Variants in SIAH3 observed in about 807,000 individuals in gnomAD.
SIAH3 encodes seven in absentia homolog 3.
A neutral mutation model predicts 12.6 loss-of-function variants in SIAH3; 9 were observed. The observed-to-expected ratio is 0.72, with a 90% CI of 0.43 to 1.25. The LOEUF (loss-of-function observed/expected upper bound fraction) is 1.25, where lower values mean the gene tolerates loss of function less well. Ranked by LOEUF, SIAH3 falls within the 50% of genes most tolerant of loss-of-function variation. SIAH3 has a pLI of 0.00. For missense variants in SIAH3, 390 were observed against 365.4 expected (o/e 1.07, Z -0.55); for synonymous variants, 154 against 151.1 (o/e 1.02, Z -0.14).
intron 1 of SIAH3, among the ~76,000 whole-genome samples, chr13:45,799,958 A>G (rs893385023): frequency 1.3e-5 from 2 of 152,236 alleles, no homozygotes; most frequent in Non-Finnish European, 2.9e-5. Context: ...CATCTTCTAG[A>G]TGATCCACAT....
intron 1 of SIAH3, among the ~76,000 whole-genome samples, chr13:45,809,278 G>T (rs1950608549): frequency 6.6e-6 from 1 of 152,182 alleles, no homozygotes; most frequent in African/African-American, 2.4e-5. Flanking sequence ...CACCCTTAAG[G>T]CTACACCAGA....
rs113441656 is a variant in SIAH3 at position 45,832,828 on chromosome 13, A to G, written c.135+18667T>C. ...GTTCCAATTCCTCCACACCCTCAGA[A>G]ACACTTGTTATTTTTCTGTTGACTT... On this transcript the variant is annotated intron_variant, in intron 1 of 1. Transcript: ENST00000400405. Among the ~76,000 whole-genome samples the G allele has an allele frequency of 1.5e-3, 230 of 152,318 alleles. 2 individuals are homozygous for G. Among genetic ancestry groups the G allele is most frequent in the African/African-American group, 5.2e-3 (218 of 41,574 alleles).
At chr13:45,813,811 A>C (rs1460813823) in intron 1 of SIAH3, among the ~76,000 whole-genome samples, 1 of 152,066 alleles carries the variant, frequency 6.6e-6, no homozygotes, top group Admixed American at 6.5e-5. Flanking sequence ...CTCTTCTTAA[A>C]AGGACACTAA....
Position 45,783,896 on chromosome 13 carries a change from G to A in SIAH3, c.297C>T (p.Ala99=). ...HLHHQEAGLH[A]NPVTPCLCMC... is the part of the protein sequence containing the mutation. ...TGCACAGGCAGGGCGTCACCGGGTT[G>A]GCGTGCAGCCCCGCCTCCTGGTGGT... The change falls in exon 2 of 2, where the codon GCC becomes GCT. Residue 99 remains alanine, a synonymous_variant. Transcript: ENST00000400405. The A allele has an allele frequency of 6.2e-7, 1 of 1,612,314 alleles. No individual in the cohort carries two copies. The highest frequency in any genetic ancestry group is 8.5e-7 in the Non-Finnish European group (1 of 1,178,988).
At chr13:45,800,714 C>A (rs1950578776) in intron 1 of SIAH3, among the ~76,000 whole-genome samples, 1 of 152,212 alleles carries the variant, frequency 6.6e-6, no homozygotes, top group African/African-American at 2.4e-5. Context: ...AGGAAGAGGA[C>A]AAATTTTCAT....
chr13:45,800,439 G>A lies in SIAH3; in HGVS notation c.136-16382C>T, dbSNP rs114723144. On this transcript the variant is annotated intron_variant, in intron 1 of 1. Coordinates refer to ENST00000400405, the MANE Select transcript of SIAH3 (RefSeq NM_198849.3). The stretch of plus-strand genomic sequence containing the variant: ...ATTCAGCAAACCTGCCAGATATTGT[G>A]GATGAAAAGAAAAATAAAGTGTAGT... 6.3e-3 allele frequency among the ~76,000 whole-genome samples: 961 copies of A among 152,252 alleles called. 3 individuals are homozygous for A. Among genetic ancestry groups the A allele is most frequent in the African/African-American group, 0.022 (916 of 41,528 alleles).
intron 1 of SIAH3, among the ~76,000 whole-genome samples, chr13:45,823,247 C>G (rs557714784): frequency 2.6e-5 from 4 of 152,154 alleles, no homozygotes; most frequent in Non-Finnish European, 5.9e-5. Context: ...CCTGGCCCAA[C>G]CCTAGAGTGC....
chr13:45,847,713 T>A (rs1950765419), intron 1 of SIAH3, among the ~76,000 whole-genome samples: 1 of 151,562 alleles, frequency 6.6e-6, no homozygotes, highest in African/African-American at 2.4e-5. Context: ...CAGGCACAGG[T>A]TGGAGGTATC....
intron 1 of SIAH3, among the ~76,000 whole-genome samples, chr13:45,835,341 G>A (rs1390959373): frequency 1.3e-5 from 2 of 152,110 alleles, no homozygotes; most frequent in Non-Finnish European, 1.5e-5. Flanking sequence ...ATGGAAGCCG[G>A]ACACAGTAGA....
rs567494410 is a variant in SIAH3, at chr13:45,782,434, A to C, written c.*949T>G. On this transcript the variant is annotated 3_prime_UTR_variant, in exon 2 of 2. Transcript: ENST00000400405. ...GAGTCCTGGTTCTGCTTTTTGCATG[A>C]TATGAAAGAACTGCACCCTAGGGAG... is the stretch of plus-strand genomic sequence containing the variant. 6.6e-6 allele frequency: 1 copy of C among 152,142 alleles called. No individual in the cohort carries two copies. Among genetic ancestry groups the C allele is most frequent in the African/African-American group, 2.4e-5 (1 of 41,426 alleles). The allele number at this position is 152,142 out of a possible 1,614,324, so 9.4% of individuals were successfully genotyped here. A position where few individuals can be genotyped will look rare whatever the true frequency, so the allele number is the denominator to read the frequency against.
At chr13:45,803,346 C>G (rs540207144) in intron 1 of SIAH3, among the ~76,000 whole-genome samples, 72 of 152,160 alleles carry the variant, frequency 4.7e-4, no homozygotes, top group Non-Finnish European at 9.0e-4. Context: ...ATAAATAATA[C>G]CCAGTGTCTG....
At chr13:45,788,803 G>A (rs1195198125) in intron 1 of SIAH3, among the ~76,000 whole-genome samples, 1 of 152,194 alleles carries the variant, frequency 6.6e-6, no homozygotes, top group African/African-American at 2.4e-5. Context: ...AGCTGAAAGA[G>A]GATTTTGTAC....
At chr13:45,828,688 AG>A (rs1484766717) in intron 1 of SIAH3, among the ~76,000 whole-genome samples, 1 of 152,232 alleles carries the variant, frequency 6.6e-6, no homozygotes, top group African/African-American at 2.4e-5. Flanking sequence ...AGCCTCTTTC[AG>A]GGGGCCCGAG....
chr13:45,849,164 G>A (rs367903300), intron 1 of SIAH3, among the ~76,000 whole-genome samples: 7 of 152,136 alleles, frequency 4.6e-5, no homozygotes, highest in Non-Finnish European at 8.8e-5. Context: ...CCTACCTGGC[G>A]CCCTCTCCAA....
chr13:45,846,182 C>T (rs556595627), intron 1 of SIAH3, among the ~76,000 whole-genome samples: 2 of 148,834 alleles, frequency 1.3e-5, no homozygotes, highest in Non-Finnish European at 3.0e-5. Context: ...GTCTGCCTCC[C>T]GGGTTCAAGC....
At position 45,780,201 on chromosome 13, in the gene SIAH3, T is replaced by G. The variant is rs556711114; in HGVS notation, c.*3182A>C. 6.6e-6 allele frequency: 1 copy of G among 151,992 alleles called. No individual in the cohort carries two copies. Among genetic ancestry groups the G allele is most frequent in the Non-Finnish European group, 1.5e-5 (1 of 68,088 alleles). The allele number at this position is 151,992 out of a possible 1,614,324, so 9.4% of individuals were successfully genotyped here. ...TGGGCAAAGGGATTCAGAAAGGGCCTGGCGCACTGAAGCCTCCATCTGCAG... is the reference window on the plus strand; with the variant it reads ...TGGGCAAAGGGATTCAGAAAGGGCCGGGCGCACTGAAGCCTCCATCTGCAG... On this transcript the variant is annotated 3_prime_UTR_variant, in exon 2 of 2. Coordinates refer to ENST00000400405, the MANE Select transcript of SIAH3 (RefSeq NM_198849.3).
intron 1 of SIAH3, among the ~76,000 whole-genome samples, chr13:45,847,622 C>CATGTGTGT (rs1555260272): frequency 6.8e-6 from 1 of 146,836 alleles, no homozygotes; most frequent in African/African-American, 2.5e-5. Flanking sequence ...TCCATGTGTT[C>CATGTGTGT]GTGTGTGTGT....
chr13:45,804,963 A>AACACACACACACACAC (rs56315825), intron 1 of SIAH3, among the ~76,000 whole-genome samples: 1 of 135,836 alleles, frequency 7.4e-6, no homozygotes, highest in South Asian at 2.5e-4. Flanking sequence ...TCCCATTTAT[A>AACACACACACACACAC]ACACACACAC....
intron 1 of SIAH3, among the ~76,000 whole-genome samples, chr13:45,839,533 T>A (rs1302152883): frequency 6.6e-6 from 1 of 152,224 alleles, no homozygotes; most frequent in Non-Finnish European, 1.5e-5. Context: ...AAATACTGTA[T>A]ACAAACCATA....
Sources: gnomAD v4.1 joint callset for allele counts (sites outside exome capture counted in the v4.1 genomes callset) on GRCh38, gnomAD v4.1.1 for gene constraint, MANE v1.5 for transcripts, NCBI Gene and HGNC (gene_info 2026-07-23, HGNC 2026-07-21) for gene names.